Variants in CMSS1 observed in about 807,000 individuals in gnomAD.
CMSS1 encodes the protein cms1 ribosomal small subunit homolog.
A neutral mutation model predicts 43.5 loss-of-function variants in CMSS1; 33 were observed. That is an observed-to-expected ratio of 0.76 (90% CI 0.57 to 1.01). The LOEUF (loss-of-function observed/expected upper bound fraction) is 1.01. Among genes scored for constraint, CMSS1 ranks in the 50% least tolerant of loss-of-function variants. The pLI is 0.00. For synonymous variants in CMSS1, 115 were observed against 117.2 expected, an observed-to-expected ratio of 0.98 and a Z score of 0.12; for missense variants, 313 against 326.4, an observed-to-expected ratio of 0.96 and a Z score of 0.32.
intron 1 of CMSS1, among the ~76,000 whole-genome samples, chr3:100,003,237 A>T (rs1471851717): frequency 6.6e-6 from 1 of 152,188 alleles, no homozygotes; most frequent in Non-Finnish European, 1.5e-5. Context: ...GACCATGTGG[A>T]GAAAATAAAA....
intron 1 of CMSS1, among the ~76,000 whole-genome samples, chr3:99,863,698 C>A (rs554338424): frequency 2.0e-5 from 3 of 152,108 alleles, no homozygotes; most frequent in Non-Finnish European, 2.9e-5. Flanking sequence ...AAATATTTGA[C>A]ACATATTTCA....
At chr3:99,915,365 A>C (rs1482179464) in intron 1 of CMSS1, among the ~76,000 whole-genome samples, 1 of 152,202 alleles carries the variant, frequency 6.6e-6, no homozygotes, top group Non-Finnish European at 1.5e-5. Flanking sequence ...AAATATATCA[A>C]AAGTAAGCCC....
intron 1 of CMSS1, among the ~76,000 whole-genome samples, chr3:100,071,008 A>G (rs768521407): frequency 3.3e-5 from 5 of 149,624 alleles, no homozygotes; most frequent in Non-Finnish European, 4.4e-5. Context: ...CTTTTAAGCT[A>G]TTCAGTTATA....
chr3:99,831,962 G>C (rs906780893), intron 1 of CMSS1, among the ~76,000 whole-genome samples: 3 of 152,188 alleles, frequency 2.0e-5, no homozygotes, highest in Non-Finnish European at 4.4e-5. Flanking sequence ...GGCCGAGACA[G>C]ATTGGTATGA....
intron 1 of CMSS1, among the ~76,000 whole-genome samples, chr3:99,889,169 T>G (rs1706004898): frequency 6.6e-6 from 1 of 152,170 alleles, no homozygotes; most frequent in African/African-American, 2.4e-5. Context: ...CTGATTTTTA[T>G]CTGCTTGGTT....
At chr3:99,930,136 A>G (rs1707430914) in intron 1 of CMSS1, 1 of 873,682 alleles carries the variant, frequency 1.1e-6, no homozygotes, top group East Asian at 2.6e-5. Flanking sequence ...TCAAATCTAA[A>G]TGAATCATAT....
intron 1 of CMSS1, chr3:100,114,833 C>A: frequency 1.5e-6 from 1 of 666,232 alleles, no homozygotes; most frequent in Non-Finnish European, 2.5e-6. Flanking sequence ...GTAACAAGGG[C>A]ATGACCCCTT....
chr3:100,166,498 A>G, intron 5 of CMSS1, 104 bp downstream of exon 5: 1 of 709,152 alleles, frequency 1.4e-6, no homozygotes, highest in South Asian at 1.6e-5. Context: ...ACATTAGGCC[A>G]TTATTGCTCT....
At chr3:99,964,896 C>T (rs1297505510) in intron 1 of CMSS1, among the ~76,000 whole-genome samples, 4 of 152,126 alleles carry the variant, frequency 2.6e-5, no homozygotes, top group African/African-American at 9.7e-5. Context: ...ACATCAGTCC[C>T]ATAGTGCACA....
intron 1 of CMSS1, among the ~76,000 whole-genome samples, chr3:100,137,753 A>G (rs1376689651): frequency 1.3e-5 from 2 of 152,080 alleles, no homozygotes; most frequent in Non-Finnish European, 2.9e-5. Context: ...TTTTTAGTAG[A>G]GACGGGGTTT....
intron 1 of CMSS1, among the ~76,000 whole-genome samples, chr3:99,819,692 T>C (rs560730399): frequency 6.6e-6 from 1 of 152,260 alleles, no homozygotes; most frequent in South Asian, 2.1e-4. Flanking sequence ...CTTTGTATCA[T>C]AATCTGTAAA....
Position 100,181,412 on chromosome 3 carries a change from T to C in CMSS1, c.*3024T>C, listed in dbSNP as rs182065601. ...GTGTTAAATTCTTGTATAACCATAA[T>C]AGAGTTATCAAAACTAAGAAGTCAT... On this transcript the variant is annotated 3_prime_UTR_variant, in exon 10 of 10. Transcript: ENST00000421999. 20 of 152,346 alleles carry C rather than the reference T, an allele frequency of 1.3e-4. No homozygotes were observed. In the East Asian group the frequency reaches 3.5e-3, roughly 26 times the overall value. The allele number at this position is 152,346 out of a possible 1,614,324, so 9.4% of individuals were successfully genotyped here. A position where few individuals can be genotyped will look rare whatever the true frequency, so the allele number is the denominator to read the frequency against.
chr3:99,989,010 T>C (rs1357903989), intron 1 of CMSS1, among the ~76,000 whole-genome samples: 1 of 152,188 alleles, frequency 6.6e-6, no homozygotes, highest in Non-Finnish European at 1.5e-5. Context: ...TTTTATGGAC[T>C]TCAAAGGAAA....
intron 2 of CMSS1, among the ~76,000 whole-genome samples, chr3:100,152,753 A>G (rs112246265): frequency 4.6e-5 from 7 of 152,198 alleles, no homozygotes; most frequent in African/African-American, 1.4e-4. Flanking sequence ...CAATAGACAC[A>G]TTTTCCATAT....
At position 100,096,790 on chromosome 3, in the gene CMSS1, G is replaced by A. The variant is rs115015825; in HGVS notation, c.65-50183G>A. 6.1e-3 allele frequency among the ~76,000 whole-genome samples: 934 copies of A among 152,214 alleles called. 6 individuals carry two copies. The highest frequency in any genetic ancestry group is 0.018 in the African/African-American group (739 of 41,530). ...ATAATTGGATTGTTTGTAACACAAA[G>A]GATAAATGTGTGAGGGAATGGATAC... is the stretch of plus-strand genomic sequence containing the variant. On this transcript the variant is annotated intron_variant, in intron 1 of 9. Transcript: ENST00000421999.
In CMSS1 at chr3:99,984,160, T is replaced by G. The variant is rs1709262904; in HGVS notation, c.65-162813T>G. On this transcript the variant is annotated intron_variant, in intron 1 of 9. Coordinates refer to ENST00000421999, the MANE Select transcript of CMSS1 (RefSeq NM_032359.4). Reference sequence around the variant, plus strand: ...TTCTGGAAGTCCATCACAAATTGGCTTAAGCAGAATTTTTAAAAAGTGAAA... The same window carrying G: ...TTCTGGAAGTCCATCACAAATTGGCGTAAGCAGAATTTTTAAAAAGTGAAA... 3.9e-5 allele frequency among the ~76,000 whole-genome samples: 6 copies of G among 152,214 alleles called. No individual in the cohort carries two copies. In the South Asian group the frequency reaches 8.3e-4, roughly 21 times the overall value.
At chr3:100,084,028 T>C (rs2065969868) in intron 1 of CMSS1, among the ~76,000 whole-genome samples, 1 of 152,152 alleles carries the variant, frequency 6.6e-6, no homozygotes, top group African/African-American at 2.4e-5. Context: ...ATTTCTTCCT[T>C]TCATAAAATA....
chr3:99,841,732 A>G (rs1024264016), intron 1 of CMSS1, among the ~76,000 whole-genome samples: 1 of 152,248 alleles, frequency 6.6e-6, no homozygotes, highest in Non-Finnish European at 1.5e-5. Flanking sequence ...ATATAAAAAA[A>G]TGCTCAACAT....
chr3:99,950,730 T>C (rs531233440), intron 1 of CMSS1, among the ~76,000 whole-genome samples: 2 of 152,292 alleles, frequency 1.3e-5, no homozygotes, highest in South Asian at 4.1e-4. Context: ...GAAAAAGCTG[T>C]GTGTTAAATT....
Sources: gnomAD v4.1 joint callset for allele counts (sites outside exome capture counted in the v4.1 genomes callset) on GRCh38, gnomAD v4.1.1 for gene constraint, MANE v1.5 for transcripts, NCBI Gene and HGNC (gene_info 2026-07-23, HGNC 2026-07-21) for gene names.